FBXL22: variants seen among roughly 807,000 people sequenced by gnomAD.
The protein encoded by FBXL22 is F-box and leucine rich repeat protein 22, also known as F-box and leucine-rich protein 22.
Under a neutral mutation model 11.7 loss-of-function variants are expected in FBXL22, and 13 were observed. That is an observed-to-expected ratio of 1.11 (90% CI 0.73 to 1.77). FBXL22 has a LOEUF of 1.77. Ranked by LOEUF, FBXL22 falls within the 40% of genes most tolerant of loss-of-function variation. The pLI is 0.00. For missense variants in FBXL22, 406 were observed against 320.4 expected (o/e 1.27, Z -2.04); for synonymous variants, 160 against 144.1 (o/e 1.11, Z -0.79).
chr15:63,601,312 T>C (rs2152688882), downstream of FBXL22: 1 of 1,590,836 alleles, frequency 6.3e-7, no homozygotes, highest in South Asian at 1.1e-5. Context: ...TGCTGTGCGC[T>C]CCCCACGGAG....
At chr15:63,603,868 C>T (rs556942437), downstream of FBXL22, among the ~76,000 whole-genome samples, 15 of 152,326 alleles carry the variant, frequency 9.8e-5, no homozygotes, top group African/African-American at 3.6e-4. Flanking sequence ...GGTGATTTCT[C>T]AGTTTGCCCA....
intron 1 of FBXL22, chr15:63,600,074 G>A (rs1366423887): frequency 1.0e-6 from 1 of 985,640 alleles, no homozygotes; most frequent in Non-Finnish European, 1.2e-6. Flanking sequence ...TACCTGCTCA[G>A]GGCTTGCCTC....
At chr15:63,600,612 G>A (rs1221323196) in intron 1 of FBXL22, 85 bp from the exon 2 acceptor site, 1 of 1,230,230 alleles carries the variant, frequency 8.1e-7, no homozygotes, top group African/African-American at 1.6e-5. Context: ...AGTCCTCCTC[G>A]GTAAATGAGT....
downstream of FBXL22, chr15:63,601,295 G>C: frequency 1.3e-5 from 20 of 1,581,354 alleles, no homozygotes; most frequent in Non-Finnish European, 1.7e-5. Flanking sequence ...TTCCGCCCCA[G>C]GCTTTCTGCT....
At chr15:63,601,381 C>A (rs994946034), downstream of FBXL22, 1 of 1,604,384 alleles carries the variant, frequency 6.2e-7, no homozygotes, top group Non-Finnish European at 8.5e-7. Context: ...GAAATCACCT[C>A]GGTGGGGAGG....
downstream of FBXL22, among the ~76,000 whole-genome samples, chr15:63,603,131 C>T (rs1434369181): frequency 6.6e-6 from 1 of 152,136 alleles, no homozygotes; most frequent in Non-Finnish European, 1.5e-5. Context: ...CAGACCAAGC[C>T]TGGAGACCCA....
At chr15:63,603,945 T>G (rs573848831), downstream of FBXL22, among the ~76,000 whole-genome samples, 1 of 152,210 alleles carries the variant, frequency 6.6e-6, no homozygotes, top group Non-Finnish European at 1.5e-5. Context: ...CTGAACACTG[T>G]TGAAAGCAAG....
chr15:63,600,735 G>A lies in FBXL22; in HGVS notation c.392G>A (p.Gly131Asp), dbSNP rs1055064356. ...GCGTCCGTCACGCTCTCGGGCTGCG[G>A]CCACGTTACCGACGACTGCCTGGCG... ...NLASVTLSGC[G>D]HVTDDCLARL... is the part of the protein sequence containing the mutation. The change falls in exon 2 of 2, where the codon GGC becomes GAC. Residue 131 changes from glycine (G) to aspartate (D), a missense_variant. Gly to Asp is a moderately conservative substitution (Grantham distance 94). Coordinates refer to ENST00000638704, the MANE Select transcript of FBXL22 (RefSeq NM_001367807.1). 1.4e-5 allele frequency: 17 copies of A among 1,231,432 alleles called. No individual in the cohort carries two copies. Among genetic ancestry groups the A allele is most frequent in the African/African-American group, 4.7e-5 (3 of 64,408 alleles). The allele number at this position is 1,231,432 out of a possible 1,614,324, so 76.3% of individuals were successfully genotyped here.
rs1332262659 is a variant in FBXL22 at position 63,601,180 on chromosome 15, T to A, written c.*141T>A. On this transcript the variant is annotated 3_prime_UTR_variant, in exon 2 of 2. Coordinates refer to ENST00000638704, the MANE Select transcript of FBXL22 (RefSeq NM_001367807.1). ...TCTGCACAGTGGGGATAAGAAAGCC[T>A]ACCTCACGTTACGATTTTATACATA... The A allele has an allele frequency of 2.1e-6, 3 of 1,458,498 alleles. No homozygotes were observed. The highest frequency in any genetic ancestry group is 2.7e-6 in the Non-Finnish European group (3 of 1,113,452). 90.3% of individuals were successfully genotyped at this position (1,458,498 alleles called of 1,614,324 possible).
chr15:63,607,128 C>T (rs953273875), downstream of FBXL22, among the ~76,000 whole-genome samples: 3 of 151,322 alleles, frequency 2.0e-5, no homozygotes, highest in African/African-American at 7.3e-5. Context: ...TCACTGCAAG[C>T]TCTGCCTCTC....
chr15:63,598,874 G>T (rs887455832), intron 1 of FBXL22, among the ~76,000 whole-genome samples: 1 of 152,184 alleles, frequency 6.6e-6, no homozygotes, highest in African/African-American at 2.4e-5. Flanking sequence ...GGGGTTGGGG[G>T]GAGGCGAATG....
downstream of FBXL22, chr15:63,602,360 T>C (rs1308861239): frequency 1.3e-5 from 2 of 151,968 alleles, no homozygotes; most frequent in African/African-American, 4.8e-5. Flanking sequence ...AGATGGGCGA[T>C]TCACGAGGTC....
At chr15:63,599,103 C>A (rs758192479) in intron 1 of FBXL22, 3 of 1,174,308 alleles carry the variant, frequency 2.6e-6, no homozygotes, top group South Asian at 1.3e-5. Context: ...CAAACTCTTG[C>A]AACCTCATTT....
intron 1 of FBXL22, chr15:63,600,388 G>C: frequency 8.7e-7 from 1 of 1,151,040 alleles, no homozygotes; most frequent in Non-Finnish European, 1.1e-6. Context: ...CCTGGAACCG[G>C]CATTCCCTCT....
chr15:63,607,422 G>A (rs146460111), downstream of FBXL22, among the ~76,000 whole-genome samples: 9 of 152,316 alleles, frequency 5.9e-5, no homozygotes, highest in East Asian at 1.4e-3. Context: ...GCCCTTCAAC[G>A]ATGCTACTGA....
In FBXL22 at chr15:63,600,936, C is replaced by G; in HGVS notation, c.593C>G (p.Pro198Arg). The stretch of plus-strand genomic sequence containing the variant: ...CTGCGCCGCCTGCGCGCCGCGTGCC[C>G]GCGCCTGGCCCTGCGGGCAGAGCAC... ...AGLRRLRAAC[P>R]RLALRAEHSA... The change falls in exon 2 of 2, where the codon CCG becomes CGG. Residue 198 changes from proline (P) to arginine (R), a missense_variant. Coordinates refer to ENST00000638704, the MANE Select transcript of FBXL22 (RefSeq NM_001367807.1). 16 of 1,203,934 alleles carry G rather than the reference C, an allele frequency of 1.3e-5. No individual in the cohort carries two copies. Among genetic ancestry groups the G allele is most frequent in the Non-Finnish European group, 1.6e-5 (16 of 970,104 alleles). 74.6% of individuals were successfully genotyped at this position (1,203,934 alleles called of 1,614,324 possible).
rs1356082337 is a variant in FBXL22, at chr15:63,599,218, A to T, written c.353+1473A>T. On this transcript the variant is annotated intron_variant, in intron 1 of 1. Transcript: ENST00000638704. ...GTAGGTACTGATGAACGTCTACTGA[A>T]TCTGGTTCTTCTGGCACTCAGCTCA... 4 of 1,535,938 alleles carry T rather than the reference A, an allele frequency of 2.6e-6. No homozygotes were observed. The East Asian group carries it at 9.8e-5, about 38-fold the overall frequency.
At chr15:63,602,992 T>C (rs1244198343), downstream of FBXL22, among the ~76,000 whole-genome samples, 1 of 152,194 alleles carries the variant, frequency 6.6e-6, no homozygotes, top group Non-Finnish European at 1.5e-5. Context: ...AAATCCTTTC[T>C]CCTTAGCCTT....
At chr15:63,603,573 G>A (rs951039942), downstream of FBXL22, among the ~76,000 whole-genome samples, 4 of 152,208 alleles carry the variant, frequency 2.6e-5, no homozygotes, top group African/African-American at 4.8e-5. Flanking sequence ...CCCCCAGAAG[G>A]AACCAGGGCG....
Sources: allele counts gnomAD v4.1 joint callset (sites outside exome capture counted in the v4.1 genomes callset), GRCh38; gene constraint gnomAD v4.1.1; transcripts MANE v1.5; gene names NCBI Gene and HGNC (gene_info 2026-07-23, HGNC 2026-07-21).